The following RPAP2 variants were observed in gnomAD, a reference collection of about 807,000 sequenced individuals.
RPAP2 encodes the protein putative RNA polymerase II subunit B1 CTD phosphatase RPAP2.
In RPAP2, 52 loss-of-function variants were observed where a neutral mutation model predicts 73.1. That is an observed-to-expected ratio of 0.71 (90% CI 0.57 to 0.90). The LOEUF (loss-of-function observed/expected upper bound fraction) is 0.90. Among genes scored for constraint, RPAP2 ranks in the 40% least tolerant of loss-of-function variants. The pLI is 0.00. For synonymous variants in RPAP2, 225 were observed against 242.1 expected (o/e 0.93, Z 0.65); for missense variants, 598 against 701.8 (o/e 0.85, Z 1.67).
At chr1:92,352,065 A>G (rs1397306826) in intron 11 of RPAP2, among the ~76,000 whole-genome samples, 1 of 152,230 alleles carries the variant, frequency 6.6e-6, no homozygotes, top group Non-Finnish European at 1.5e-5. Context: ...ACATGGATAC[A>G]TGCTATTCCT....
chr1:92,373,440 C>T (rs531070519), intron 11 of RPAP2, among the ~76,000 whole-genome samples: 8 of 152,058 alleles, frequency 5.3e-5, no homozygotes, highest in African/African-American at 1.4e-4. Context: ...ATCCTCCATC[C>T]GTAAGTGGTC....
At chr1:92,361,251 T>C (rs1385199019) in intron 11 of RPAP2, among the ~76,000 whole-genome samples, 1 of 152,034 alleles carries the variant, frequency 6.6e-6, no homozygotes, top group Non-Finnish European at 1.5e-5. Flanking sequence ...AAGATACCTA[T>C]AGTAAGTGAG....
intron 11 of RPAP2, among the ~76,000 whole-genome samples, chr1:92,358,163 A>G (rs950382547): frequency 5.9e-5 from 9 of 152,202 alleles, no homozygotes; most frequent in African/African-American, 1.4e-4. Context: ...AAGGCTTTCA[A>G]TTGCTCTTAA....
chr1:92,356,668 C>CAAGTGATCTG (rs1387996252), intron 11 of RPAP2, among the ~76,000 whole-genome samples: 1 of 150,806 alleles, frequency 6.6e-6, no homozygotes, highest in African/African-American at 2.4e-5. Flanking sequence ...CTCCTGGCCT[C>CAAGTGATCTG]AAGTGATCTG....
chr1:92,344,666 T>A (rs1653786025), intron 10 of RPAP2, among the ~76,000 whole-genome samples: 1 of 152,230 alleles, frequency 6.6e-6, no homozygotes. Context: ...TTCAACTTTA[T>A]TAGATATTGC....
rs1215061155 is a variant in RPAP2 at position 92,401,776 on chromosome 1, A to G, written c.*14765A>G. 1.3e-5 allele frequency: 2 copies of G among 152,216 alleles called. No individual in the cohort carries two copies. Among genetic ancestry groups the G allele is most frequent in the African/African-American group, 4.8e-5 (2 of 41,454 alleles). 9.4% of individuals were successfully genotyped at this position (152,216 alleles called of 1,614,324 possible). On this transcript the variant is annotated 3_prime_UTR_variant, in exon 13 of 13. Transcript: ENST00000610020. ...TGTTGAATTTTGTCAAAGGCTTTTA[A>G]TGCATCTATGGAGATGATCCAAGTT...
intron 8 of RPAP2, among the ~76,000 whole-genome samples, chr1:92,327,227 T>G (rs2101197085): frequency 6.6e-6 from 1 of 152,338 alleles, no homozygotes; most frequent in South Asian, 2.1e-4. Context: ...GAACAGGTCT[T>G]GATGACCTGT....
At chr1:92,320,004 A>G (rs2101159944) in intron 6 of RPAP2, among the ~76,000 whole-genome samples, 1 of 152,200 alleles carries the variant, frequency 6.6e-6, no homozygotes, top group South Asian at 2.1e-4. Flanking sequence ...ATCTCAAAAA[A>G]AAAAAAAAGA....
rs960546349 is a variant in RPAP2 at position 92,299,098 on chromosome 1, T to C, written c.25T>C (p.Ser9Pro). The change falls in exon 1 of 13, where the codon TCT becomes CCT. Residue 9 changes from serine (S) to proline (P), a missense_variant. Around this residue, in one of 3 missense-constraint regions of RPAP2, gnomAD observed 77 missense variants for 55.7 expected, o/e 1.38. Coordinates refer to ENST00000610020, the MANE Select transcript of RPAP2 (RefSeq NM_024813.3). ...CATGGCGGACTTCGCTGGGCCGTCT[T>C]CTGCCGGCCGCAAGGCCGGGGCTCC... MADFAGPSSAGRKAGAPRC... is the reference protein window; with the variant it reads MADFAGPSPAGRKAGAPRC... 22 of 1,519,984 alleles carry C rather than the reference T, an allele frequency of 1.4e-5. No individual in the cohort carries two copies. Among genetic ancestry groups the C allele is most frequent in the Middle Eastern group, 2.0e-4 (1 of 5,020 alleles). 94.2% of individuals were successfully genotyped at this position (1,519,984 alleles called of 1,614,324 possible).
intron 6 of RPAP2, among the ~76,000 whole-genome samples, chr1:92,309,346 GT>G (rs1651440781): frequency 6.6e-6 from 1 of 151,302 alleles, no homozygotes. Context: ...GGAGGCTGAG[GT>G]AGGAGAATTG....
intron 11 of RPAP2, among the ~76,000 whole-genome samples, chr1:92,352,205 A>G (rs549108233): frequency 6.6e-6 from 1 of 152,310 alleles, no homozygotes; most frequent in Non-Finnish European, 1.5e-5. Flanking sequence ...CAGAGACCAT[A>G]CAATAGTTTA....
intron 10 of RPAP2, among the ~76,000 whole-genome samples, chr1:92,338,943 C>G (rs1254379261): frequency 1.3e-5 from 2 of 152,054 alleles, no homozygotes; most frequent in Non-Finnish European, 1.5e-5. Flanking sequence ...TGCCATTCAC[C>G]CTCCTGCAGA....
In RPAP2 at chr1:92,324,080, A is replaced by G. The variant is rs760769090; in HGVS notation, c.1160A>G (p.Tyr387Cys). The G allele has an allele frequency of 6.2e-7, 1 of 1,613,946 alleles. No individual in the cohort carries two copies. The highest frequency in any genetic ancestry group is 1.3e-5 in the African/African-American group (1 of 74,910). ...WKTEETLRFL[Y>C]GQNYASVCLK... Reference sequence around the variant, plus strand: ...ACAGAAGAAACATTGAGGTTTTTGTATGGCCAGAATTATGCTTCTGTGTGT... The same window carrying G: ...ACAGAAGAAACATTGAGGTTTTTGTGTGGCCAGAATTATGCTTCTGTGTGT... The change falls in exon 8 of 13, where the codon TAT becomes TGT. Residue 387 changes from tyrosine (Y) to cysteine (C), a missense_variant. By Grantham distance (194) the Tyr-to-Cys change is radical. Around this residue, in one of 3 missense-constraint regions of RPAP2, gnomAD observed 506 missense variants for 612.8 expected, o/e 0.83. Transcript: ENST00000610020.
intron 11 of RPAP2, among the ~76,000 whole-genome samples, 186 bp downstream of exon 11, chr1:92,346,100 T>C (rs1376606074): frequency 1.3e-5 from 2 of 152,294 alleles, no homozygotes; most frequent in South Asian, 2.1e-4. Flanking sequence ...TTATTCTCTA[T>C]ATTTTTTACC....
intron 12 of RPAP2, 131 bp downstream of exon 12, chr1:92,381,004 A>C: frequency 1.5e-6 from 1 of 678,398 alleles, no homozygotes; most frequent in Non-Finnish European, 2.3e-6. Context: ...CTAAGGAAGG[A>C]CATGATATCC....
chr1:92,304,774 C>G (rs890278751), intron 5 of RPAP2, among the ~76,000 whole-genome samples: 1 of 152,102 alleles, frequency 6.6e-6, no homozygotes, highest in Admixed American at 6.5e-5. Context: ...AAAATTGATG[C>G]CTATCTCAGT....
intron 11 of RPAP2, among the ~76,000 whole-genome samples, chr1:92,367,245 G>A (rs772908763): frequency 1.3e-5 from 2 of 152,114 alleles, no homozygotes; most frequent in Admixed American, 6.5e-5. Flanking sequence ...AAATATAACC[G>A]TATAGCCTCC....
intron 12 of RPAP2, among the ~76,000 whole-genome samples, chr1:92,384,282 T>C (rs1200711100): frequency 6.6e-6 from 1 of 152,010 alleles, no homozygotes; most frequent in Non-Finnish European, 1.5e-5. Flanking sequence ...ATCAAATCTC[T>C]AAATATACAG....
In RPAP2 at chr1:92,304,037, C is replaced by T; in HGVS notation, c.295C>T (p.Leu99Phe). The change falls in exon 4 of 13, where the codon CTC (leucine) becomes TTC (phenylalanine). Residue 99 changes from leucine (L) to phenylalanine (F), a missense_variant. This residue lies in a region of RPAP2 where 506 missense variants were observed against 612.8 expected (regional missense o/e 0.83). Coordinates refer to ENST00000610020, the MANE Select transcript of RPAP2 (RefSeq NM_024813.3). ...DVVDERSIVK[L>F]CGYPLCQKKL... is the part of the protein sequence containing the mutation. ...CGTGGATGAACGTTCTATTGTCAAA[C>T]TCTGTGGTTATCCTTTATGTCAGAA... is the stretch of plus-strand genomic sequence containing the variant. 6.2e-7 allele frequency: 1 copy of T among 1,613,058 alleles called. No homozygotes were observed. Among genetic ancestry groups the T allele is most frequent in the Admixed American group, 1.7e-5 (1 of 59,936 alleles).
Sources: allele counts gnomAD v4.1 joint callset (sites outside exome capture counted in the v4.1 genomes callset), GRCh38; gene constraint gnomAD v4.1.1; regional missense constraint gnomAD v4.1.1; transcripts MANE v1.5; gene names NCBI Gene and HGNC (gene_info 2026-07-23, HGNC 2026-07-21).